The following PCDHA5 variants were observed in gnomAD, a reference collection of about 807,000 sequenced individuals.
PCDHA5 encodes protocadherin alpha 5.
Under a neutral mutation model 61.6 loss-of-function variants are expected in PCDHA5, and 43 were observed. That is an observed-to-expected ratio of 0.70 (90% confidence interval 0.55 to 0.90). PCDHA5 has a LOEUF of 0.90. Among genes scored for constraint, PCDHA5 ranks in the 40% least tolerant of loss-of-function variants. The pLI is 0.00. For missense variants in PCDHA5, 1,298 were observed against 1,222.7 expected, an observed-to-expected ratio of 1.06 and a Z score of -0.92; for synonymous variants, 627 against 543.9, an observed-to-expected ratio of 1.15 and a Z score of -2.13.
At chr5:140,874,890 C>A (rs150583747) in intron 1 of PCDHA5, among the ~76,000 whole-genome samples, 2 of 152,276 alleles carry the variant, frequency 1.3e-5, no homozygotes, top group Admixed American at 1.3e-4. Context: ...TCCTAACTTT[C>A]TCTAAAATCT....
chr5:140,874,685 T>C (rs1212570606), intron 1 of PCDHA5, among the ~76,000 whole-genome samples: 1 of 152,234 alleles, frequency 6.6e-6, no homozygotes, highest in Non-Finnish European at 1.5e-5. Flanking sequence ...AGATTTGTTT[T>C]AACATGTTAT....
rs571215806 is a variant in PCDHA5, at chr5:140,940,454, G to T, written c.2353-38495G>T. Among the ~76,000 whole-genome samples, 18 of 151,694 alleles carry T rather than the reference G, an allele frequency of 1.2e-4. No homozygotes were observed. The East Asian group carries it at 3.3e-3, about 28-fold the overall frequency. On this transcript the variant is annotated intron_variant, in intron 1 of 3. Coordinates refer to ENST00000529859, the MANE Select transcript of PCDHA5 (RefSeq NM_018908.3). ...AAGTCTGCCATGATATTTTTTATAGGTTTCTGTTCCCTGCAATTTTTTTTT... is the reference window on the plus strand; with the variant it reads ...AAGTCTGCCATGATATTTTTTATAGTTTTCTGTTCCCTGCAATTTTTTTTT...
chr5:140,977,541 G>A (rs1164108305), intron 1 of PCDHA5, among the ~76,000 whole-genome samples: 2 of 152,188 alleles, frequency 1.3e-5, no homozygotes, highest in Non-Finnish European at 2.9e-5. Context: ...GAAGCAGCTT[G>A]CATATGCATA....
intron 1 of PCDHA5, chr5:140,858,539 T>G: frequency 7.1e-7 from 1 of 1,399,640 alleles, no homozygotes; most frequent in Admixed American, 2.0e-5. Context: ...TTTGTCTACA[T>G]TCCATTTATG....
At chr5:140,839,253 T>C (rs1187384033) in intron 1 of PCDHA5, among the ~76,000 whole-genome samples, 1 of 152,096 alleles carries the variant, frequency 6.6e-6, no homozygotes, top group African/African-American at 2.4e-5. Flanking sequence ...CTTTTATGCT[T>C]ACATGCATGT....
chr5:140,916,193 C>T lies in PCDHA5; in HGVS notation c.2353-62756C>T, dbSNP rs536117096. On this transcript the variant is annotated intron_variant, in intron 1 of 3. Transcript: ENST00000529859. ...CTGGGACTCTTCAAGGAAGTGGGCACCCCTCTGCCCTGGGGAAGATCCAAA... is the reference window on the plus strand; with the variant it reads ...CTGGGACTCTTCAAGGAAGTGGGCATCCCTCTGCCCTGGGGAAGATCCAAA... 1.6e-4 allele frequency among the ~76,000 whole-genome samples: 25 copies of T among 152,256 alleles called. No individual in the cohort carries two copies. In the South Asian group the frequency reaches 5.0e-3, roughly 30 times the overall value.
intron 1 of PCDHA5, among the ~76,000 whole-genome samples, chr5:140,903,138 A>T (rs188809018): frequency 6.6e-6 from 1 of 152,258 alleles, no homozygotes; most frequent in East Asian, 1.9e-4. Context: ...AAATCTCCAA[A>T]CTGTTTTCCA....
Position 140,883,641 on chromosome 5 carries a change from C to T in PCDHA5, c.2352+59514C>T, listed in dbSNP as rs1427282306. On this transcript the variant is annotated intron_variant, in intron 1 of 3. Coordinates refer to ENST00000529859, the MANE Select transcript of PCDHA5 (RefSeq NM_018908.3). ...GACAACGCGCCGGCGTTCGCGCAGC[C>T]CGAGTACACGGTGTTCGTGAAGGAA... is the stretch of plus-strand genomic sequence containing the variant. 3.7e-6 allele frequency: 6 copies of T among 1,613,840 alleles called. No homozygotes were observed. In the Admixed American group the frequency reaches 6.7e-5, roughly 18 times the overall value.
Position 140,913,960 on chromosome 5 carries a change from T to TA in PCDHA5, c.2353-64982dup, listed in dbSNP as rs201352444. 7.9e-3 allele frequency among the ~76,000 whole-genome samples: 1,207 copies of TA among 152,282 alleles called. 5 individuals are homozygous for TA. Among genetic ancestry groups the TA allele is most frequent in the African/African-American group, 0.019 (780 of 41,560 alleles). ...AAGAATCTTGATATGATATCATTTT[T>TA]AAAAAAATATTTTAGGACTTGTATT... On this transcript the variant is annotated intron_variant, in intron 1 of 3. Transcript: ENST00000529859.
chr5:140,869,247 C>T (rs1186478553), intron 1 of PCDHA5: 8 of 1,613,526 alleles, frequency 5.0e-6, no homozygotes, highest in Middle Eastern at 1.7e-4. Flanking sequence ...TGGGCCGCAT[C>T]GCGCAGGACC....
Position 140,939,297 on chromosome 5 carries a change from T to C in PCDHA5, c.2353-39652T>C, listed in dbSNP as rs116782192. Among the ~76,000 whole-genome samples the C allele has an allele frequency of 5.4e-3, 827 of 152,242 alleles. 3 individuals are homozygous for C. The highest frequency in any genetic ancestry group is 0.019 in the African/African-American group (796 of 41,542). ...TGTGCCCTCGTGATCTAATCATCTC[T>C]ACAAAAGCCCTACCTCCTAATATCA... On this transcript the variant is annotated intron_variant, in intron 1 of 3. Coordinates refer to ENST00000529859, the MANE Select transcript of PCDHA5 (RefSeq NM_018908.3).
intron 1 of PCDHA5, among the ~76,000 whole-genome samples, chr5:140,893,065 A>G (rs2063802609): frequency 6.6e-6 from 1 of 152,226 alleles, no homozygotes; most frequent in South Asian, 2.1e-4. Context: ...TACTGCCATG[A>G]ATAACAGGAT....
At chr5:140,831,488 T>C (rs370733379) in intron 1 of PCDHA5, among the ~76,000 whole-genome samples, 1 of 148,694 alleles carries the variant, frequency 6.7e-6, no homozygotes, top group African/African-American at 2.5e-5. Context: ...GCCTCTGGAG[T>C]TACTACACAC....
At chr5:140,992,208 A>G (rs2097499240) in intron 3 of PCDHA5, among the ~76,000 whole-genome samples, 1 of 152,150 alleles carries the variant, frequency 6.6e-6, no homozygotes, top group African/African-American at 2.4e-5. Context: ...AATCAGATAA[A>G]CTACTCTCCC....
intron 1 of PCDHA5, chr5:140,848,346 C>A: frequency 1.1e-6 from 1 of 925,186 alleles, no homozygotes; most frequent in East Asian, 2.4e-5. Context: ...ACAAATACAG[C>A]CCTTTTCCCA....
chr5:140,918,311 G>A (rs1286596595), intron 1 of PCDHA5, among the ~76,000 whole-genome samples: 2 of 152,070 alleles, frequency 1.3e-5, no homozygotes, highest in African/African-American at 4.8e-5. Context: ...GGGTTTTCTA[G>A]GTATAAAATT....
At position 140,849,588 on chromosome 5, in the gene PCDHA5, C is replaced by G. The variant is rs2150441639; in HGVS notation, c.2352+25461C>G. ...GGTTCCTGTAAAAGAGGACGCACAA[C>G]TGGGGACAGTTATTGCCCTGATTAG... On this transcript the variant is annotated intron_variant, in intron 1 of 3. Coordinates refer to ENST00000529859, the MANE Select transcript of PCDHA5 (RefSeq NM_018908.3). 8 of 1,598,790 alleles carry G rather than the reference C, an allele frequency of 5.0e-6. 1 individual carries two copies. Among genetic ancestry groups the G allele is most frequent in the East Asian group, 4.5e-5 (2 of 44,856 alleles).
intron 1 of PCDHA5, among the ~76,000 whole-genome samples, chr5:140,908,583 T>C (rs1245727862): frequency 1.3e-5 from 2 of 152,088 alleles, no homozygotes; most frequent in Admixed American, 1.3e-4. Context: ...GGAGAGTAGT[T>C]AGCTGCAGAA....
At chr5:140,827,540 TAA>T (rs2150148064) in intron 1 of PCDHA5, among the ~76,000 whole-genome samples, 8,865 of 152,224 alleles carry the variant, frequency 0.058, 846 homozygotes, top group African/African-American at 0.2. Context: ...TTGATAATTT[TAA>T]GTTACATTTT....
Sources: allele counts gnomAD v4.1 joint callset (sites outside exome capture counted in the v4.1 genomes callset), GRCh38; gene constraint gnomAD v4.1.1; transcripts MANE v1.5; gene names NCBI Gene and HGNC (gene_info 2026-07-23, HGNC 2026-07-21).